The following MAU2 variants were observed in gnomAD, a reference collection of about 807,000 sequenced individuals.
MAU2 encodes MAU2 chromatid cohesion factor homolog.
A neutral mutation model predicts 89.1 loss-of-function variants in MAU2; 9 were observed. The observed-to-expected ratio is 0.10, with a 90% CI of 0.06 to 0.18. The LOEUF (loss-of-function observed/expected upper bound fraction) is 0.18. MAU2 is among the 10% of genes least tolerant of loss of function. MAU2 has a pLI of 1.00. For synonymous variants in MAU2, 357 were observed against 343.4 expected, an observed-to-expected ratio of 1.04 and a Z score of -0.44; for missense variants, 425 against 803.5, an observed-to-expected ratio of 0.53 and a Z score of 5.69.
chr19:19,348,761 A>G (rs971208235), intron 13 of MAU2, 128 bp from the exon 14 acceptor site: 4 of 1,014,518 alleles, frequency 3.9e-6, no homozygotes, highest in East Asian at 2.4e-5. Context: ...CTGGTCAGTC[A>G]CCAGGCTCAG....
intron 1 of MAU2, among the ~76,000 whole-genome samples, chr19:19,332,080 G>A (rs544070632): frequency 3.9e-4 from 59 of 152,330 alleles, no homozygotes; most frequent in African/African-American, 1.1e-3. Context: ...GCCATCGTTC[G>A]ATCAGCAGAT....
intron 4 of MAU2, 54 bp from the exon 5 acceptor site, chr19:19,338,791 A>C: frequency 7.5e-7 from 1 of 1,337,982 alleles, no homozygotes; most frequent in Non-Finnish European, 1.1e-6. Context: ...GAAGGCAGGT[A>C]CCGTAAAACT....
intron 1 of MAU2, 64 bp downstream of exon 1, chr19:19,321,199 T>G (rs974472264): frequency 7.0e-7 from 1 of 1,433,288 alleles, no homozygotes; most frequent in Non-Finnish European, 9.1e-7. Context: ...GGCTGACGGG[T>G]CGCGACCGCG....
chr19:19,330,266 C>T (rs557194164), intron 1 of MAU2, among the ~76,000 whole-genome samples: 5 of 151,708 alleles, frequency 3.3e-5, no homozygotes, highest in Non-Finnish European at 7.4e-5. Context: ...AGGCGTGAGC[C>T]ATTGCTCCCA....
At chr19:19,327,403 G>A (rs2061520420) in intron 1 of MAU2, among the ~76,000 whole-genome samples, 1 of 151,608 alleles carries the variant, frequency 6.6e-6, no homozygotes, top group African/African-American at 2.4e-5. Flanking sequence ...TCGGCTCACT[G>A]CAAGCTCCGC....
chr19:19,343,796 CTG>C, intron 9 of MAU2, 39 bp from the exon 10 acceptor site: 1 of 1,505,600 alleles, frequency 6.6e-7, no homozygotes, highest in Non-Finnish European at 9.2e-7. Flanking sequence ...GGCGCCTCCT[CTG>C]GCCTCCCCTG....
At chr19:19,324,198 T>A (rs1384627877) in intron 1 of MAU2, among the ~76,000 whole-genome samples, 2 of 152,178 alleles carry the variant, frequency 1.3e-5, no homozygotes, top group Non-Finnish European at 2.9e-5. Context: ...CTTGGAGCTA[T>A]TTTTGGCAGA....
chr19:19,332,729 C>T (rs567620388), intron 1 of MAU2, among the ~76,000 whole-genome samples: 14 of 152,216 alleles, frequency 9.2e-5, no homozygotes, highest in African/African-American at 2.9e-4. Flanking sequence ...CGTGGACGGA[C>T]GGAGCTGGCA....
At position 19,322,087 on chromosome 19, in the gene MAU2, T is replaced by C. The variant is rs1158690290; in HGVS notation, c.276+952T>C. Among the ~76,000 whole-genome samples, 3 of 151,048 alleles carry C rather than the reference T, an allele frequency of 2.0e-5. No homozygotes were observed. In the East Asian group the frequency reaches 5.8e-4, roughly 29 times the overall value. On this transcript the variant is annotated intron_variant, in intron 1 of 18. Transcript: ENST00000262815. ...ATCTTGGCTCACTGCAAGTTCCGCC[T>C]CCCGGGTTCAGGCCATTCTCCTGCC...
In MAU2 at chr19:19,349,216, C is replaced by T. The variant is rs753815220; in HGVS notation, c.1420C>T (p.Arg474Cys). 1.9e-6 allele frequency: 3 copies of T among 1,614,076 alleles called. No homozygotes were observed. The highest frequency in any genetic ancestry group is 1.7e-5 in the Admixed American group (1 of 60,008). The change falls in exon 15 of 19, where the codon CGC becomes TGC. Residue 474 changes from arginine to cysteine, a missense_variant. By Grantham distance (180) the Arg-to-Cys change is radical. Transcript: ENST00000262815. Reference protein sequence around the residue: ...VRGLFSFFQGRYNEAKRFLRE... With the variant: ...VRGLFSFFQGCYNEAKRFLRE... ...TGGGCTCTTCTCCTTCTTCCAGGGA[C>T]GCTACAACGAGGCCAAGTAAGTGTG... is the stretch of plus-strand genomic sequence containing the variant.
chr19:19,344,270 G>A, intron 10 of MAU2: 1 of 308,664 alleles, frequency 3.2e-6, no homozygotes, highest in South Asian at 3.1e-5. Context: ...AAATTAGCCA[G>A]GTGTGGTGGC....
intron 17 of MAU2, chr19:19,354,669 A>G: frequency 1.8e-6 from 1 of 566,982 alleles, no homozygotes; most frequent in Non-Finnish European, 3.2e-6. Context: ...TCTCTATAGG[A>G]CACAGAGGCT....
At chr19:19,340,082 A>G (rs1019764421) in intron 5 of MAU2, among the ~76,000 whole-genome samples, 50 of 149,402 alleles carry the variant, frequency 3.3e-4, no homozygotes, top group Admixed American at 2.5e-3. Context: ...GGAGAATGGC[A>G]TGAACCCAGG....
chr19:19,334,514 G>T, intron 1 of MAU2: 1 of 985,928 alleles, frequency 1.0e-6, no homozygotes, highest in South Asian at 4.7e-5. Context: ...CCCAGCCGTG[G>T]ATCTCCAGGC....
chr19:19,320,835 G>A lies in MAU2; in HGVS notation c.-25G>A, dbSNP rs747459902. The A allele has an allele frequency of 6.7e-7, 1 of 1,495,758 alleles. No individual in the cohort carries two copies. The highest frequency in any genetic ancestry group is 8.8e-7 in the Non-Finnish European group (1 of 1,136,356). The allele number at this position is 1,495,758 out of a possible 1,614,324, so 92.7% of individuals were successfully genotyped here. On this transcript the variant is annotated 5_prime_UTR_variant, in exon 1 of 19. Coordinates refer to ENST00000262815, the MANE Select transcript of MAU2 (RefSeq NM_015329.4). Reference sequence around the variant, plus strand: ...CGCCTGCTTCCGCCTCCCTGTGGCGGCGGCTTGTTGTTGTGGAGGCCAAAA... The same window carrying A: ...CGCCTGCTTCCGCCTCCCTGTGGCGACGGCTTGTTGTTGTGGAGGCCAAAA...
At position 19,358,132 on chromosome 19, in the gene MAU2, TCA is replaced by T. The variant is rs1296701049; in HGVS notation, c.*2355_*2356del. On this transcript the variant is annotated 3_prime_UTR_variant, in exon 19 of 19. Transcript: ENST00000262815. ...CAGACAGCAAGTCCCTGAGGACACA[TCA>T]CACAGTGTCCTGTAGCTAAGTGTCT... The T allele has an allele frequency of 6.7e-6, 1 of 149,868 alleles. No individual in the cohort carries two copies. The highest frequency in any genetic ancestry group is 2.5e-5 in the African/African-American group (1 of 40,728). 9.3% of individuals were successfully genotyped at this position (149,868 alleles called of 1,614,324 possible).
chr19:19,335,798 A>G (rs367544518), intron 2 of MAU2, 63 bp downstream of exon 2: 2 of 1,582,304 alleles, frequency 1.3e-6, no homozygotes, highest in East Asian at 2.2e-5. Context: ...AAAAGAATGT[A>G]TCAAAGCTTG....
At chr19:19,347,394 C>T in intron 13 of MAU2, 28 bp downstream of exon 13, 2 of 1,553,642 alleles carry the variant, frequency 1.3e-6, no homozygotes, top group South Asian at 1.1e-5. Context: ...TGTTCGGTAT[C>T]CTTTCTCTCT....
chr19:19,321,229 T>G, intron 1 of MAU2, 94 bp downstream of exon 1: 1 of 1,350,618 alleles, frequency 7.4e-7, no homozygotes, highest in Non-Finnish European at 9.6e-7. Context: ...GGGCCGCTCC[T>G]CGGCGACCTG....
Sources: gnomAD v4.1 joint callset for allele counts (sites outside exome capture counted in the v4.1 genomes callset) on GRCh38, gnomAD v4.1.1 for gene constraint, MANE v1.5 for transcripts, NCBI Gene and HGNC (gene_info 2026-07-23, HGNC 2026-07-21) for gene names.